The following PLEKHG5 variants were observed in gnomAD, a reference collection of about 807,000 sequenced individuals.
PLEKHG5 encodes the protein pleckstrin homology domain-containing family G member 5.
PLEKHG5 carries 52 observed loss-of-function variants against 103.8 expected under a neutral mutation model. The observed-to-expected ratio is 0.50, with a 90% confidence interval of 0.40 to 0.63. The LOEUF is 0.63. Ranked by LOEUF, PLEKHG5 falls within the 30% of genes least tolerant of loss-of-function variation. The pLI, the probability that PLEKHG5 is intolerant of heterozygous loss-of-function variation, is 0.00. For missense variants in PLEKHG5, 1,205 were observed against 1,347.6 expected (o/e 0.89, Z 1.66); for synonymous variants, 592 against 575.5 (o/e 1.03, Z -0.41).
intron 1 of PLEKHG5, among the ~76,000 whole-genome samples, chr1:6,502,051 C>T (rs1273052407): frequency 6.6e-6 from 1 of 152,280 alleles, no homozygotes; most frequent in African/African-American, 2.4e-5. Flanking sequence ...GAGCCCCACC[C>T]TCCTGGGCGC....
At chr1:6,480,893 A>G (rs957706053) in intron 1 of PLEKHG5, among the ~76,000 whole-genome samples, 1 of 151,982 alleles carries the variant, frequency 6.6e-6, no homozygotes, top group African/African-American at 2.4e-5. Flanking sequence ...CGCCCGCCTC[A>G]GCCTCCCAAA....
upstream of PLEKHG5, among the ~76,000 whole-genome samples, chr1:6,495,352 C>T (rs1033264736): frequency 6.6e-5 from 10 of 152,216 alleles, no homozygotes; most frequent in Non-Finnish European, 1.2e-4. Context: ...AGCAGTTCTC[C>T]CTGTTCCCTC....
At position 6,467,508 on chromosome 1, in the gene PLEKHG5, A is replaced by C; in HGVS notation, c.*55T>G. 6.3e-7 allele frequency: 1 copy of C among 1,581,928 alleles called. No individual in the cohort carries two copies. Among genetic ancestry groups the C allele is most frequent in the East Asian group, 2.2e-5 (1 of 44,684 alleles). Reference sequence around the variant, plus strand: ...GAAGCAGGTGCCGGCACGCCCCAGGAGGCAGGCTGTCTGCTGTCTCTTGGT... The same window carrying C: ...GAAGCAGGTGCCGGCACGCCCCAGGCGGCAGGCTGTCTGCTGTCTCTTGGT... On this transcript the variant is annotated 3_prime_UTR_variant, in exon 21 of 21. Coordinates refer to ENST00000377728, the MANE Select transcript of PLEKHG5 (RefSeq NM_020631.6).
chr1:6,505,926 G>A lies in PLEKHG5; in HGVS notation c.-164-9357C>T, dbSNP rs957379342. The A allele has an allele frequency of 6.6e-6, 1 of 152,570 alleles. No homozygotes were observed. The highest frequency in any genetic ancestry group is 2.4e-5 in the African/African-American group (1 of 41,474). 9.5% of individuals were successfully genotyped at this position (152,570 alleles called of 1,614,324 possible). A position where few individuals can be genotyped will look rare whatever the true frequency, so the allele number is the denominator to read the frequency against. ...CCACACCACCGTGGAGCAAGTGACT[G>A]TCAGCAGCATGTGTGTGTGAATGGG... On this transcript the variant is annotated intron_variant, in intron 1 of 21. Transcript: ENST00000377740. This position sits in a 1 kb window ranked among gnomAD's most constrained non-coding sequence, Gnocchi z 4.2.
intron 1 of PLEKHG5, among the ~76,000 whole-genome samples, chr1:6,516,314 G>A (rs992600912): frequency 5.3e-5 from 8 of 152,244 alleles, no homozygotes; most frequent in South Asian, 4.1e-4. Flanking sequence ...TGCTATTAGA[G>A]GCCTGGTTTA....
intron 1 of PLEKHG5, among the ~76,000 whole-genome samples, chr1:6,478,946 G>A (rs1424187983): frequency 1.3e-5 from 2 of 152,072 alleles, no homozygotes; most frequent in African/African-American, 2.4e-5. Context: ...GCCCAGACTT[G>A]TTTTAAAATA....
chr1:6,500,322 A>C (rs1219532687), upstream of PLEKHG5, among the ~76,000 whole-genome samples: 1 of 152,130 alleles, frequency 6.6e-6, no homozygotes, highest in Non-Finnish European at 1.5e-5. Context: ...AAATCACCCC[A>C]GAGCAGACAG....
intron 5 of PLEKHG5, 87 bp downstream of exon 5, chr1:6,474,960 G>A (rs771749806): frequency 4.6e-6 from 4 of 869,130 alleles, no homozygotes; most frequent in South Asian, 2.6e-5. Flanking sequence ...AGACACACAC[G>A]TCACACCTGC....
At chr1:6,502,290 C>T (rs779325087) in intron 1 of PLEKHG5, among the ~76,000 whole-genome samples, 12 of 152,258 alleles carry the variant, frequency 7.9e-5, no homozygotes, top group African/African-American at 2.4e-4. Context: ...CTTCCCAAAG[C>T]GCCATGGGGC....
chr1:6,474,260 G>A (rs886504521), intron 6 of PLEKHG5, 96 bp from the exon 7 acceptor site: 3 of 1,482,688 alleles, frequency 2.0e-6, no homozygotes, highest in Non-Finnish European at 2.8e-6. Context: ...ACCAAGGCCT[G>A]CCTGCCCTCC....
chr1:6,519,439 A>T, intron 1 of PLEKHG5: 1 of 1,606,898 alleles, frequency 6.2e-7, no homozygotes, highest in East Asian at 2.2e-5. Flanking sequence ...TAGAAAACAT[A>T]CTCACCGGTT....
chr1:6,470,277 G>A lies in PLEKHG5; in HGVS notation c.1759C>T (p.Leu587=). 6.2e-7 allele frequency: 1 copy of A among 1,613,974 alleles called. No homozygotes were observed. Among genetic ancestry groups the A allele is most frequent in the Non-Finnish European group, 8.5e-7 (1 of 1,179,974 alleles). ...TCCTTCATCCTCAGGCTCCCCTCCA[G>A]CAGCAGCTGCCGCGTCTCCTCCGGG... is the stretch of plus-strand genomic sequence containing the variant. ...ASPEETRQLL[L]EGSLRMKEGK... is the part of the protein sequence containing the mutation. Residue 587 remains leucine (L), a synonymous_variant, in exon 16 of 21, where the codon CTG becomes TTG. Coordinates refer to ENST00000377728, the MANE Select transcript of PLEKHG5 (RefSeq NM_020631.6).
intron 14 of PLEKHG5, 40 bp from the exon 15 acceptor site, chr1:6,470,683 C>T (rs1292380917): frequency 1.3e-6 from 2 of 1,554,388 alleles, no homozygotes; most frequent in Non-Finnish European, 1.7e-6. Context: ...AGGGTCATGA[C>T]GGAGCAGAGA....
intron 1 of PLEKHG5, among the ~76,000 whole-genome samples, chr1:6,479,901 G>A (rs1288828578): frequency 1.3e-5 from 2 of 152,156 alleles, no homozygotes; most frequent in Admixed American, 6.5e-5. Flanking sequence ...ATGAGCCACT[G>A]TGCCTGGCTG....
rs1330978103 is a variant in PLEKHG5, at chr1:6,473,314, G to A, written c.732C>T (p.Asn244=). 10 of 1,573,138 alleles carry A rather than the reference G, an allele frequency of 6.4e-6. No homozygotes were observed. Among genetic ancestry groups the A allele is most frequent in the Non-Finnish European group, 7.8e-6 (9 of 1,160,276 alleles). ...AGCCGCTGAAGCGACTGGCCGCCCG[G>A]TTCTTCCAGCTGTCGCCAGTGTTGG... ...GSTNTGDSWK[N]RAASRFSGFF... is the part of the protein sequence containing the mutation. Residue 244 remains asparagine, a synonymous_variant, in exon 8 of 21, where the codon AAC becomes AAT. Coordinates refer to ENST00000377728, the MANE Select transcript of PLEKHG5 (RefSeq NM_020631.6).
At chr1:6,488,102 G>C (rs1001940802) in intron 1 of PLEKHG5, among the ~76,000 whole-genome samples, 6 of 152,138 alleles carry the variant, frequency 3.9e-5, no homozygotes, top group Non-Finnish European at 7.3e-5. Flanking sequence ...ACTTCAAATC[G>C]GGTGGTCTTG....
chr1:6,494,773 C>T (rs137911310), upstream of PLEKHG5, among the ~76,000 whole-genome samples: 904 of 152,316 alleles, frequency 5.9e-3, 9 homozygotes, highest in African/African-American at 0.021. Context: ...ATAATTCAGG[C>T]ATTTCTGCCC....
intron 1 of PLEKHG5, among the ~76,000 whole-genome samples, chr1:6,515,899 C>T (rs1282118226): frequency 6.6e-6 from 1 of 152,166 alleles, no homozygotes; most frequent in African/African-American, 2.4e-5. Flanking sequence ...AAGGAGTCAC[C>T]TGACTAGTCA....
intron 11 of PLEKHG5, 36 bp from the exon 12 acceptor site, chr1:6,471,673 T>C (rs1370079608): frequency 1.9e-6 from 3 of 1,567,410 alleles, no homozygotes; most frequent in African/African-American, 2.7e-5. Flanking sequence ...GCCACGCCCC[T>C]CCGCCAGGTT....
Sources: allele counts gnomAD v4.1 joint callset (sites outside exome capture counted in the v4.1 genomes callset), GRCh38; gene constraint gnomAD v4.1.1; non-coding constraint Gnocchi (gnomAD v3.1); transcripts MANE v1.5; gene names NCBI Gene and HGNC (gene_info 2026-07-23, HGNC 2026-07-21).